The following DRC3 variants were observed in gnomAD, a reference collection of about 807,000 sequenced individuals.
DRC3 encodes the protein dynein regulatory complex subunit 3, also known as leucine rich repeat containing 48.
In DRC3, 45 loss-of-function variants were observed where a neutral mutation model predicts 57.6. That is an observed-to-expected ratio of 0.78 (90% confidence interval 0.62 to 1.00). The LOEUF (loss-of-function observed/expected upper bound fraction) is 1.00, where lower values mean the gene tolerates loss of function less well. Among genes scored for constraint, DRC3 ranks in the 50% least tolerant of loss-of-function variants. The pLI is 0.00. For synonymous variants in DRC3, 257 were observed against 272.3 expected (o/e 0.94, Z 0.55); for missense variants, 655 against 675.2 (o/e 0.97, Z 0.33).
At chr17:18,002,488 A>C (rs1401535275) in intron 9 of DRC3, among the ~76,000 whole-genome samples, 1 of 152,194 alleles carries the variant, frequency 6.6e-6, no homozygotes, top group Non-Finnish European at 1.5e-5. Context: ...ATACCCTCTG[A>C]GCACCCCCTC....
chr17:18,011,236 C>T (rs1186209332), intron 12 of DRC3: 9 of 258,580 alleles, frequency 3.5e-5, no homozygotes, highest in South Asian at 1.1e-4. Context: ...GGATTACAGG[C>T]GTGAGCCGCC....
chr17:17,994,076 G>T, intron 6 of DRC3: 1 of 515,396 alleles, frequency 1.9e-6, no homozygotes, highest in Non-Finnish European at 3.4e-6. Flanking sequence ...GCTCCTCCTG[G>T]TCTTTCCCTG....
intron 12 of DRC3, chr17:18,011,153 C>T (rs1316319507): frequency 4.5e-6 from 1 of 220,366 alleles, no homozygotes; most frequent in South Asian, 5.4e-5. Flanking sequence ...GATGGGGTTT[C>T]TCCATGTTGG....
chr17:18,016,150 G>T lies in DRC3; in HGVS notation c.1413G>T (p.Glu471Asp). Residue 471 changes from glutamate to aspartate, a missense_variant, in exon 13 of 14, where the codon GAG becomes GAT. Physicochemically the swap from Glu to Asp is conservative, Grantham distance 45. Transcript: ENST00000399187. ...HLLKIDNRED[E>D]LVTRINSWCT... ...TGAAGATTGACAATCGAGAAGATGA[G>T]CTGGTGACCAGAATCAACTCTTGGT... 6.2e-7 allele frequency: 1 copy of T among 1,614,008 alleles called. No homozygotes were observed. The highest frequency in any genetic ancestry group is 8.5e-7 in the Non-Finnish European group (1 of 1,179,884).
At chr17:18,014,725 G>A (rs150139900) in intron 12 of DRC3, among the ~76,000 whole-genome samples, 12 of 152,240 alleles carry the variant, frequency 7.9e-5, no homozygotes, top group African/African-American at 2.4e-4. Context: ...GAACCTTTTC[G>A]TGATGGGTTG....
chr17:17,997,648 C>T lies in DRC3; in HGVS notation c.999+14C>T, dbSNP rs796965026. 1 of 1,577,392 alleles carries T rather than the reference C, an allele frequency of 6.3e-7. No homozygotes were observed. The highest frequency in any genetic ancestry group is 1.9e-4 in the Middle Eastern group (1 of 5,160). ...AAGCACTTGTCGGTAGGCCCCGAGC[C>T]TCCTGAGGCCCTCCCTGTCTCCTGC... On this transcript the variant is annotated intron_variant, in intron 9 of 13. Coordinates refer to ENST00000399187, the MANE Select transcript of DRC3 (RefSeq NM_031294.4).
At chr17:18,002,133 A>G (rs1042024129) in intron 9 of DRC3, among the ~76,000 whole-genome samples, 1 of 151,846 alleles carries the variant, frequency 6.6e-6, no homozygotes, top group African/African-American at 2.4e-5. Context: ...ACGTCACTGC[A>G]CTCCAGCCTG....
chr17:17,999,647 C>G (rs144975641), intron 9 of DRC3, among the ~76,000 whole-genome samples: 80 of 152,364 alleles, frequency 5.3e-4, no homozygotes, highest in African/African-American at 1.8e-3. Context: ...CTCAGGCAGA[C>G]TCCTCACTGG....
At chr17:17,978,262 A>T (rs1419744435) in intron 3 of DRC3, among the ~76,000 whole-genome samples, 1 of 152,148 alleles carries the variant, frequency 6.6e-6, no homozygotes, top group Admixed American at 6.5e-5. Context: ...AGGAGTGAGA[A>T]GATGTGGCTC....
At chr17:17,998,560 C>T (rs1004069293) in intron 9 of DRC3, among the ~76,000 whole-genome samples, 4 of 152,130 alleles carry the variant, frequency 2.6e-5, no homozygotes, top group Non-Finnish European at 5.9e-5. Context: ...TTTAGGGAGC[C>T]CATCCTTGTT....
intron 6 of DRC3, 66 bp from the exon 7 acceptor site, chr17:17,994,233 G>T: frequency 6.5e-7 from 1 of 1,538,698 alleles, no homozygotes; most frequent in Non-Finnish European, 8.8e-7. Context: ...GGCAGAGGCG[G>T]CATGGCAGAG....
At chr17:18,006,452 A>T in intron 11 of DRC3, 199 bp downstream of exon 11, 1 of 595,104 alleles carries the variant, frequency 1.7e-6, no homozygotes, top group Non-Finnish European at 3.0e-6. Context: ...TCCCAGCATG[A>T]TTGTTCTCAT....
chr17:17,997,345 C>T (rs1156766919), intron 8 of DRC3, 115 bp from the exon 9 acceptor site: 28 of 922,582 alleles, frequency 3.0e-5, no homozygotes, highest in Non-Finnish European at 4.5e-5. Flanking sequence ...GAGTTTGAGT[C>T]TCACACACTG....
intron 2 of DRC3, among the ~76,000 whole-genome samples, chr17:17,975,241 C>T (rs980401941): frequency 6.7e-6 from 1 of 149,360 alleles, no homozygotes; most frequent in Non-Finnish European, 1.5e-5. Flanking sequence ...GATGGAGTCT[C>T]GCTCTATCAC....
chr17:18,011,251 C>G, intron 12 of DRC3: 1 of 265,558 alleles, frequency 3.8e-6, no homozygotes, highest in Non-Finnish European at 7.3e-6. Context: ...GCCGCCACGC[C>G]AGGCCTAGGA....
intron 8 of DRC3, 39 bp from the exon 9 acceptor site, chr17:17,997,421 C>A: frequency 6.2e-7 from 1 of 1,606,024 alleles, no homozygotes. Context: ...CCGCAGCCTG[C>A]TCCTGAAACA....
In DRC3 at chr17:18,016,154, GT is replaced by G. The variant is rs868267139; in HGVS notation, c.1418del (p.Val473GlyfsTer11). On this transcript the variant is annotated frameshift_variant, in exon 13 of 14. Transcript: ENST00000399187. LOFTEE classifies it high-confidence loss of function. Reference protein sequence around the residue: ...LKIDNREDELVTRINSWCTRL... With the variant: ...LKIDNREDELXTRINSWCTRL... ...GATTGACAATCGAGAAGATGAGCTG[GT>G]GACCAGAATCAACTCTTGGTGTACA... 6.2e-7 allele frequency: 1 copy of G among 1,613,876 alleles called. No homozygotes were observed. Among genetic ancestry groups the G allele is most frequent in the Admixed American group, 1.7e-5 (1 of 59,998 alleles).
intron 9 of DRC3, among the ~76,000 whole-genome samples, chr17:18,002,843 A>G (rs991759130): frequency 1.3e-5 from 2 of 152,200 alleles, no homozygotes; most frequent in Non-Finnish European, 2.9e-5. Context: ...CTAACTCTGA[A>G]GTTGTAAGGC....
chr17:17,983,358 T>G (rs2042802948), intron 3 of DRC3, among the ~76,000 whole-genome samples: 1 of 152,166 alleles, frequency 6.6e-6, no homozygotes, highest in South Asian at 2.1e-4. Flanking sequence ...CAAAAAACAT[T>G]GCCAAACAGT....
Sources: gnomAD v4.1 joint callset for allele counts (sites outside exome capture counted in the v4.1 genomes callset) on GRCh38, gnomAD v4.1.1 for gene constraint, MANE v1.5 for transcripts, NCBI Gene and HGNC (gene_info 2026-07-23, HGNC 2026-07-21) for gene names.